The following NUDT9 variants were observed in gnomAD, a reference collection of about 807,000 sequenced individuals.
The protein encoded by NUDT9 is ADP-ribose pyrophosphatase.
In NUDT9, 31 loss-of-function variants were observed where a neutral mutation model predicts 41.0. The observed-to-expected ratio is 0.76, with a 90% CI of 0.57 to 1.02. The LOEUF (loss-of-function observed/expected upper bound fraction) is 1.02, where lower values mean the gene tolerates loss of function less well. Ranked by LOEUF, NUDT9 falls within the 50% of genes least tolerant of loss-of-function variation. The probability of loss-of-function intolerance (pLI) is 0.00; values close to 1 mark genes in which losing one functional copy is unlikely to be tolerated. For missense variants in NUDT9, 380 were observed against 431.4 expected, an observed-to-expected ratio of 0.88 and a Z score of 1.06; for synonymous variants, 146 against 147.6, an observed-to-expected ratio of 0.99 and a Z score of 0.08.
intron 1 of NUDT9, among the ~76,000 whole-genome samples, chr4:87,432,780 T>C (rs1041369294): frequency 1.6e-4 from 25 of 152,176 alleles, no homozygotes; most frequent in South Asian, 1.5e-3. Context: ...TTTTTTTTTT[T>C]ATTTTGTTAA....
chr4:87,442,487 G>T (rs1474158846), intron 4 of NUDT9, among the ~76,000 whole-genome samples: 1 of 152,062 alleles, frequency 6.6e-6, no homozygotes, highest in Admixed American at 6.5e-5. Context: ...GCATACTTAG[G>T]CTACACCAAA....
intron 5 of NUDT9, among the ~76,000 whole-genome samples, 165 bp from the exon 6 acceptor site, chr4:87,451,424 C>G (rs1163201197): frequency 6.6e-6 from 1 of 152,276 alleles, no homozygotes; most frequent in Middle Eastern, 3.4e-3. Context: ...CTTATTGGCT[C>G]CTTCTACTAG....
At chr4:87,432,753 A>T (rs931568123) in intron 1 of NUDT9, among the ~76,000 whole-genome samples, 1 of 151,128 alleles carries the variant, frequency 6.6e-6, no homozygotes, top group Non-Finnish European at 1.5e-5. Flanking sequence ...TTTCTGCATC[A>T]ATCAAGAAGA....
intron 4 of NUDT9, among the ~76,000 whole-genome samples, chr4:87,444,522 A>C (rs747292812): frequency 6.6e-6 from 1 of 152,182 alleles, no homozygotes; most frequent in Non-Finnish European, 1.5e-5. Context: ...TATGGTTTAA[A>C]TGAGATGGAA....
chr4:87,456,113 C>A (rs1340930667), intron 7 of NUDT9, among the ~76,000 whole-genome samples: 2 of 152,174 alleles, frequency 1.3e-5, no homozygotes, highest in Admixed American at 1.3e-4. Context: ...AAAATTTCCT[C>A]TAGTTTTGGG....
intron 4 of NUDT9, chr4:87,445,547 A>G (rs181477203): frequency 2.6e-5 from 4 of 152,324 alleles, no homozygotes; most frequent in Middle Eastern, 3.4e-3. Context: ...TCTAGAGTCA[A>G]AATGAGTTGG....
At chr4:87,448,898 G>A (rs1346339888) in intron 4 of NUDT9, among the ~76,000 whole-genome samples, 2 of 152,028 alleles carry the variant, frequency 1.3e-5, no homozygotes, top group Admixed American at 6.6e-5. Context: ...TTTATATCCT[G>A]AATTTTCATT....
chr4:87,431,919 C>T (rs907700480), intron 1 of NUDT9, among the ~76,000 whole-genome samples: 5 of 152,182 alleles, frequency 3.3e-5, no homozygotes, highest in Non-Finnish European at 7.3e-5. Flanking sequence ...CTGCTGACCT[C>T]AGGTGATCCA....
In NUDT9 at chr4:87,425,712, G is replaced by GA. The variant is rs70957242; in HGVS notation, c.107+2719dup. On this transcript the variant is annotated intron_variant, in intron 1 of 7. Transcript: ENST00000302174. ...CGCCTGGCCAAGACCCTGTCTCTTT[G>GA]AAAAAAAAAAAAAAAAAAAGAATTT... Among the ~76,000 whole-genome samples, 790 of 94,604 alleles carry GA rather than the reference G, an allele frequency of 8.4e-3. 7 individuals carry two copies. Among genetic ancestry groups the GA allele is most frequent in the South Asian group, 0.012 (34 of 2,950 alleles). The allele number at this position is 94,604 out of a possible 152,430, so 62.1% of individuals were successfully genotyped here. A position where few individuals can be genotyped will look rare whatever the true frequency, so the allele number is the denominator to read the frequency against.
chr4:87,449,381 T>G (rs1357939742), intron 5 of NUDT9, 128 bp downstream of exon 5: 6 of 607,018 alleles, frequency 9.9e-6, no homozygotes, highest in Non-Finnish European at 1.5e-5. Flanking sequence ...GTAATTCTTA[T>G]GTTTTTCATC....
intron 2 of NUDT9, among the ~76,000 whole-genome samples, chr4:87,435,731 C>G (rs1347742718): frequency 6.6e-6 from 1 of 152,138 alleles, no homozygotes; most frequent in Non-Finnish European, 1.5e-5. Context: ...AGAAGGGGCT[C>G]TCACTAAATT....
chr4:87,429,336 A>G (rs2110161019), intron 1 of NUDT9, among the ~76,000 whole-genome samples: 1 of 152,146 alleles, frequency 6.6e-6, no homozygotes, highest in South Asian at 2.1e-4. Context: ...AATTTTTTGT[A>G]GAGATAAGGG....
At chr4:87,455,095 G>A (rs1722927983) in intron 7 of NUDT9, among the ~76,000 whole-genome samples, 1 of 152,156 alleles carries the variant, frequency 6.6e-6, no homozygotes, top group African/African-American at 2.4e-5. Flanking sequence ...GTTTTTATTT[G>A]TAGCATAAAA....
chr4:87,428,847 C>G (rs575744023), intron 1 of NUDT9, among the ~76,000 whole-genome samples: 1 of 152,310 alleles, frequency 6.6e-6, no homozygotes, highest in African/African-American at 2.4e-5. Flanking sequence ...TCAACATCCC[C>G]ACAGAGCCAC....
intron 6 of NUDT9, among the ~76,000 whole-genome samples, chr4:87,453,054 C>T (rs1434763405): frequency 8.6e-5 from 13 of 151,980 alleles, no homozygotes; most frequent in Admixed American, 2.0e-4. Flanking sequence ...TCAGGTGATC[C>T]GCCTGCCTCG....
At chr4:87,434,291 T>A in intron 1 of NUDT9, 1 of 152,126 alleles carries the variant, frequency 6.6e-6, no homozygotes, top group African/African-American at 2.4e-5. Flanking sequence ...TGATCTGCCC[T>A]CCTTAGCCTC....
chr4:87,446,907 G>A (rs1722487261), intron 4 of NUDT9, among the ~76,000 whole-genome samples: 1 of 152,120 alleles, frequency 6.6e-6, no homozygotes, highest in East Asian at 1.9e-4. Flanking sequence ...CATAGTAGTA[G>A]CCTCCCAGCT....
chr4:87,454,468 T>G lies in NUDT9; in HGVS notation c.874+13T>G. 1 of 1,518,384 alleles carries G rather than the reference T, an allele frequency of 6.6e-7. No homozygotes were observed. The highest frequency in any genetic ancestry group is 1.1e-5 in the South Asian group (1 of 89,134). 94.1% of individuals were successfully genotyped at this position (1,518,384 alleles called of 1,614,324 possible). On this transcript the variant is annotated intron_variant, in intron 7 of 7. Transcript: ENST00000302174. ...CATGACGAAACAGGTAACTTTATAT[T>G]TATTAAACTGGCTGGGATTAAAGGA... is the stretch of plus-strand genomic sequence containing the variant.
rs1367035039 is a variant in NUDT9, at chr4:87,451,575, A to T, written c.643-14A>T. 7.5e-6 allele frequency: 12 copies of T among 1,598,084 alleles called. No individual in the cohort carries two copies. The highest frequency in any genetic ancestry group is 5.5e-5 in the Admixed American group (3 of 54,676). Reference sequence around the variant, plus strand: ...GCTGATCCCTTTTTTCAAAATTTTTAATGTGACTCTTAGGGGATGGTGGAT... The same window carrying T: ...GCTGATCCCTTTTTTCAAAATTTTTTATGTGACTCTTAGGGGATGGTGGAT... On this transcript the variant is annotated splice_polypyrimidine_tract_variant and intron_variant, in intron 5 of 7. Transcript: ENST00000302174.
Sources: gnomAD v4.1 joint callset for allele counts (sites outside exome capture counted in the v4.1 genomes callset) on GRCh38, gnomAD v4.1.1 for gene constraint, MANE v1.5 for transcripts, NCBI Gene and HGNC (gene_info 2026-07-23, HGNC 2026-07-21) for gene names.